SPAG16: variants seen among roughly 807,000 people sequenced by gnomAD.
The protein encoded by SPAG16 is sperm associated antigen 16, also known as sperm-associated antigen 16 protein.
In SPAG16, 86 loss-of-function variants were observed where a neutral mutation model predicts 80.4. That is an observed-to-expected ratio of 1.07 (90% CI 0.90 to 1.28). SPAG16 has a LOEUF of 1.28. Ranked by LOEUF, SPAG16 falls within the 50% of genes most tolerant of loss-of-function variation. SPAG16 has a pLI of 0.00. For synonymous variants in SPAG16, 294 were observed against 265.9 expected, an observed-to-expected ratio of 1.11 and a Z score of -1.03; for missense variants, 870 against 765.3, an observed-to-expected ratio of 1.14 and a Z score of -1.61.
chr2:213,790,724 TATATGC>T (rs1254573448), intron 10 of SPAG16, among the ~76,000 whole-genome samples: 1 of 152,082 alleles, frequency 6.6e-6, no homozygotes, highest in African/African-American at 2.4e-5. Context: ...TGCATGTGTG[TATATGC>T]ATAGAGGTAG....
intron 15 of SPAG16, among the ~76,000 whole-genome samples, chr2:214,187,928 CACT>C (rs2057533302): frequency 6.6e-6 from 1 of 152,046 alleles, no homozygotes; most frequent in Non-Finnish European, 1.5e-5. Context: ...TATCAAAATG[CACT>C]ACTATTTAAG....
At chr2:214,242,761 A>G (rs897804381) in intron 15 of SPAG16, among the ~76,000 whole-genome samples, 1 of 152,188 alleles carries the variant, frequency 6.6e-6, no homozygotes, top group Non-Finnish European at 1.5e-5. Context: ...TAATTTGAAT[A>G]CATAGGTCTC....
At chr2:213,445,039 A>T (rs1482938989) in intron 9 of SPAG16, among the ~76,000 whole-genome samples, 1 of 152,236 alleles carries the variant, frequency 6.6e-6, no homozygotes, top group Non-Finnish European at 1.5e-5. Flanking sequence ...CTGAATATCC[A>T]TATGCAGAAG....
intron 13 of SPAG16, among the ~76,000 whole-genome samples, chr2:214,098,509 G>A (rs536587664): frequency 6.6e-6 from 1 of 152,080 alleles, no homozygotes; most frequent in Non-Finnish European, 1.5e-5. Flanking sequence ...AACATATAGG[G>A]GGATGACAGC....
chr2:213,486,719 T>C (rs2073993416), intron 9 of SPAG16, among the ~76,000 whole-genome samples: 1 of 152,100 alleles, frequency 6.6e-6, no homozygotes, highest in Non-Finnish European at 1.5e-5. Flanking sequence ...AGTAAGATTA[T>C]GTCAAAATCA....
intron 9 of SPAG16, among the ~76,000 whole-genome samples, chr2:213,454,226 T>A (rs898975055): frequency 2.0e-5 from 3 of 152,130 alleles, no homozygotes; most frequent in African/African-American, 7.2e-5. Context: ...AACAAAAAAA[T>A]TATGTATTAA....
chr2:214,263,102 T>C (rs994990285), intron 15 of SPAG16, among the ~76,000 whole-genome samples: 8 of 152,120 alleles, frequency 5.3e-5, no homozygotes, highest in African/African-American at 1.9e-4. Context: ...TAAGCAACTT[T>C]TAAGTATACA....
chr2:213,683,965 G>C (rs765581641), intron 10 of SPAG16, among the ~76,000 whole-genome samples: 3 of 152,164 alleles, frequency 2.0e-5, no homozygotes, highest in Non-Finnish European at 4.4e-5. Context: ...ATGTAGGAAA[G>C]CGTTTTGTGT....
intron 11 of SPAG16, among the ~76,000 whole-genome samples, chr2:213,897,350 A>T (rs897173987): frequency 6.6e-6 from 1 of 152,174 alleles, no homozygotes; most frequent in Non-Finnish European, 1.5e-5. Context: ...TATTATAATA[A>T]TTCTATAATG....
chr2:213,927,858 G>A (rs1256071482), intron 11 of SPAG16, among the ~76,000 whole-genome samples: 1 of 152,170 alleles, frequency 6.6e-6, no homozygotes, highest in Non-Finnish European at 1.5e-5. Flanking sequence ...CCATTGGAAA[G>A]ATAGATTTGA....
chr2:213,954,605 G>A (rs1292043478), intron 12 of SPAG16, among the ~76,000 whole-genome samples: 2 of 152,046 alleles, frequency 1.3e-5, no homozygotes, highest in Admixed American at 6.5e-5. Flanking sequence ...CTATCAACCC[G>A]TCATCTAGGT....
At chr2:213,968,489 G>C (rs1332089162) in intron 12 of SPAG16, among the ~76,000 whole-genome samples, 1 of 152,146 alleles carries the variant, frequency 6.6e-6, no homozygotes, top group Non-Finnish European at 1.5e-5. Context: ...CACCGTGCCC[G>C]GCCTCAACTA....
At chr2:214,401,138 T>A (rs1701683538) in intron 15 of SPAG16, among the ~76,000 whole-genome samples, 1 of 152,016 alleles carries the variant, frequency 6.6e-6, no homozygotes, top group Non-Finnish European at 1.5e-5. Context: ...TTTGAAATTC[T>A]GAGTAATGAC....
intron 10 of SPAG16, among the ~76,000 whole-genome samples, chr2:213,839,716 A>G (rs1234135147): frequency 1.3e-5 from 2 of 152,218 alleles, no homozygotes; most frequent in African/African-American, 4.8e-5. Context: ...GTTGACATGT[A>G]CAGTATGCAG....
At chr2:213,448,382 C>T (rs78101381) in intron 9 of SPAG16, among the ~76,000 whole-genome samples, 96 of 152,286 alleles carry the variant, frequency 6.3e-4, no homozygotes, top group Non-Finnish European at 8.4e-4. Context: ...ATCCATTGTG[C>T]CTGGAGCTGA....
intron 12 of SPAG16, among the ~76,000 whole-genome samples, chr2:213,942,489 C>T (rs568145827): frequency 6.6e-6 from 1 of 152,180 alleles, no homozygotes; most frequent in South Asian, 2.1e-4. Flanking sequence ...CCAAATCCAT[C>T]AATGATTTAT....
At chr2:213,384,496 A>T (rs1260915707) in intron 9 of SPAG16, among the ~76,000 whole-genome samples, 1 of 152,146 alleles carries the variant, frequency 6.6e-6, no homozygotes, top group East Asian at 1.9e-4. Context: ...GAGTTATAAA[A>T]CTATGAGTCC....
intron 14 of SPAG16, among the ~76,000 whole-genome samples, chr2:214,116,423 G>T (rs1016480875): frequency 6.6e-6 from 1 of 152,190 alleles, no homozygotes; most frequent in African/African-American, 2.4e-5. Flanking sequence ...ACCAGACTCA[G>T]TTCCAGCTCC....
At chr2:214,323,835 G>C (rs1391770429) in intron 15 of SPAG16, among the ~76,000 whole-genome samples, 1 of 152,092 alleles carries the variant, frequency 6.6e-6, no homozygotes, top group African/African-American at 2.4e-5. Context: ...ATATTTATTT[G>C]CTCATGTGTT....
Sources: gnomAD v4.1 joint callset for allele counts (sites outside exome capture counted in the v4.1 genomes callset) on GRCh38, gnomAD v4.1.1 for gene constraint, MANE v1.5 for transcripts, NCBI Gene and HGNC (gene_info 2026-07-23, HGNC 2026-07-21) for gene names.